Variants in DENND2A observed in about 807,000 individuals in gnomAD.
DENND2A encodes DENN domain containing 2A.
In DENND2A, 53 loss-of-function variants were observed where a neutral mutation model predicts 105.3. The observed-to-expected ratio is 0.50, with a 90% CI of 0.40 to 0.63. DENND2A has a LOEUF of 0.63. Among genes scored for constraint, DENND2A ranks in the 30% least tolerant of loss-of-function variants. The pLI, the probability that DENND2A is intolerant of heterozygous loss-of-function variation, is 0.00. For synonymous variants in DENND2A, 522 were observed against 508.4 expected (o/e 1.03, Z -0.36); for missense variants, 1,138 against 1,279.6 (o/e 0.89, Z 1.69).
chr7:140,568,602 G>T (rs542279254), intron 8 of DENND2A, among the ~76,000 whole-genome samples, 161 bp downstream of exon 8: 16 of 152,260 alleles, frequency 1.1e-4, no homozygotes, highest in African/African-American at 3.9e-4. Context: ...ATGACGGACC[G>T]GCTCTGGAGC....
At chr7:140,616,632 C>T (rs1422580441) in intron 1 of DENND2A, among the ~76,000 whole-genome samples, 2 of 151,976 alleles carry the variant, frequency 1.3e-5, no homozygotes, top group East Asian at 1.9e-4. Context: ...AAAAAAGAAT[C>T]GGCAGGGACA....
At chr7:140,579,678 G>A (rs1426927693) in intron 5 of DENND2A, among the ~76,000 whole-genome samples, 3 of 152,092 alleles carry the variant, frequency 2.0e-5, no homozygotes, top group Non-Finnish European at 4.4e-5. Context: ...TTAAAAAAAT[G>A]TATACACACA....
At chr7:140,532,136 G>A (rs1308925427) in intron 14 of DENND2A, among the ~76,000 whole-genome samples, 1 of 152,068 alleles carries the variant, frequency 6.6e-6, no homozygotes, top group African/African-American at 2.4e-5. Context: ...GTGGTGGCGG[G>A]TGCCTGTAGT....
At chr7:140,609,242 G>A (rs542287174) in intron 1 of DENND2A, among the ~76,000 whole-genome samples, 4 of 152,328 alleles carry the variant, frequency 2.6e-5, no homozygotes, top group East Asian at 1.9e-4. Flanking sequence ...GCTGGGCATG[G>A]TGGCTCATGC....
intron 1 of DENND2A, among the ~76,000 whole-genome samples, chr7:140,623,239 C>A (rs1474144697): frequency 6.7e-6 from 1 of 148,596 alleles, no homozygotes; most frequent in African/African-American, 2.5e-5. Flanking sequence ...TGATTGAACC[C>A]GGGAGGCAGA....
At chr7:140,608,914 C>G (rs1799788368) in intron 1 of DENND2A, among the ~76,000 whole-genome samples, 1 of 152,078 alleles carries the variant, frequency 6.6e-6, no homozygotes, top group Non-Finnish European at 1.5e-5. Flanking sequence ...GTACCAAAGC[C>G]AACAGTCTGA....
chr7:140,545,200 G>C (rs1465406474), intron 13 of DENND2A, among the ~76,000 whole-genome samples: 1 of 152,158 alleles, frequency 6.6e-6, no homozygotes, highest in Non-Finnish European at 1.5e-5. Context: ...TTACCTGCTA[G>C]GTGGAAATCC....
At chr7:140,542,019 T>C (rs1796681159) in intron 14 of DENND2A, among the ~76,000 whole-genome samples, 1 of 151,868 alleles carries the variant, frequency 6.6e-6, no homozygotes, top group African/African-American at 2.4e-5. Flanking sequence ...TAGTTCAGAG[T>C]CAGATTTCCT....
At position 140,601,754 on chromosome 7, in the gene DENND2A, T is replaced by TG. The variant is rs1001686435; in HGVS notation, c.643dup (p.Gln215ProfsTer16). 6.2e-7 allele frequency: 1 copy of TG among 1,613,862 alleles called. No individual in the cohort carries two copies. The highest frequency in any genetic ancestry group is 1.7e-5 in the Admixed American group (1 of 59,976). On this transcript the variant is annotated frameshift_variant, in exon 3 of 20. Coordinates refer to ENST00000496613, the MANE Select transcript of DENND2A (RefSeq NM_015689.5). LOFTEE classifies it high-confidence loss of function. ...TTCCAGGTCCGAGGGGTGGACCCTC[T>TG]GGCTGACTTCTGAGCCACTCCCGCC...
intron 1 of DENND2A, among the ~76,000 whole-genome samples, chr7:140,616,316 C>T (rs1267070033): frequency 6.6e-6 from 1 of 152,070 alleles, no homozygotes; most frequent in Admixed American, 6.6e-5. Flanking sequence ...GAGCTGAGAT[C>T]ACACCACTGT....
chr7:140,615,483 C>T (rs1449147798), intron 1 of DENND2A, among the ~76,000 whole-genome samples: 1 of 151,958 alleles, frequency 6.6e-6, no homozygotes. Flanking sequence ...GTACCAAAGG[C>T]ACAACTTCTC....
At chr7:140,569,391 T>C (rs1447589505) in intron 7 of DENND2A, among the ~76,000 whole-genome samples, 1 of 152,204 alleles carries the variant, frequency 6.6e-6, no homozygotes, top group African/African-American at 2.4e-5. Context: ...GGAAGGCTGC[T>C]CCCACAGTCA....
chr7:140,555,708 T>C lies in DENND2A; in HGVS notation c.1965A>G (p.Gly655=). Residue 655 remains glycine (G), a synonymous_variant, in exon 12 of 20, where the codon GGA becomes GGG. Transcript: ENST00000496613. The part of the protein sequence containing the change: ...RFGYCRRLLP[G]GKGKRLPEVY... ...CTTCAGGAAGGCGCTTCCCTTTGCC[T>C]CCAGGCTTTTCGGAGAGAAACACAA... 6.2e-7 allele frequency: 1 copy of C among 1,600,168 alleles called. No homozygotes were observed. Among genetic ancestry groups the C allele is most frequent in the African/African-American group, 1.4e-5 (1 of 73,774 alleles).
chr7:140,639,087 C>T (rs1192181238), intron 1 of DENND2A, among the ~76,000 whole-genome samples: 2 of 152,140 alleles, frequency 1.3e-5, no homozygotes, highest in Non-Finnish European at 2.9e-5. Flanking sequence ...CACAGTGGCT[C>T]AAGCCTGTAA....
chr7:140,580,784 G>C (rs1431977289), intron 5 of DENND2A, among the ~76,000 whole-genome samples: 8 of 151,848 alleles, frequency 5.3e-5, no homozygotes. Flanking sequence ...CTACAGGCGA[G>C]TGCCACTACA....
intron 15 of DENND2A, among the ~76,000 whole-genome samples, chr7:140,526,974 T>C (rs1192615316): frequency 6.6e-6 from 1 of 152,156 alleles, no homozygotes; most frequent in Non-Finnish European, 1.5e-5. Context: ...CAGATCTTGC[T>C]AGCTCCTCAA....
At chr7:140,626,988 A>G (rs1320440344) in intron 1 of DENND2A, among the ~76,000 whole-genome samples, 1 of 152,190 alleles carries the variant, frequency 6.6e-6, no homozygotes, top group Non-Finnish European at 1.5e-5. Flanking sequence ...TCTAAGCCTT[A>G]GTTCTCGCCT....
chr7:140,620,359 G>T, intron 1 of DENND2A, among the ~76,000 whole-genome samples: 1 of 108,290 alleles, frequency 9.2e-6, no homozygotes, highest in African/African-American at 3.6e-5. Context: ...TGGGGGGGGG[G>T]AGGAGGAATT....
At chr7:140,552,562 A>G (rs919827933) in intron 12 of DENND2A, among the ~76,000 whole-genome samples, 4 of 151,478 alleles carry the variant, frequency 2.6e-5, no homozygotes, top group African/African-American at 9.7e-5. Context: ...TGCCTGGCTA[A>G]TTTTTTTGTA....
Sources: allele counts gnomAD v4.1 joint callset (sites outside exome capture counted in the v4.1 genomes callset), GRCh38; gene constraint gnomAD v4.1.1; transcripts MANE v1.5; gene names NCBI Gene and HGNC (gene_info 2026-07-23, HGNC 2026-07-21).